The following CARF variants were observed in gnomAD, a reference collection of about 807,000 sequenced individuals.
CARF encodes calcium responsive transcription factor.
CARF carries 57 observed loss-of-function variants against 82.0 expected under a neutral mutation model. The ratio of observed to expected loss-of-function variants is 0.70; its 90% CI spans 0.56 to 0.87. The LOEUF (loss-of-function observed/expected upper bound fraction) is 0.87, where lower values mean the gene tolerates loss of function less well. Among genes scored for constraint, CARF ranks in the 40% least tolerant of loss-of-function variants. The probability of loss-of-function intolerance (pLI) is 0.00; values close to 1 mark genes in which losing one functional copy is unlikely to be tolerated. For missense variants in CARF, 771 were observed against 855.8 expected (o/e 0.90, Z 1.24); for synonymous variants, 268 against 290.1 (o/e 0.92, Z 0.77).
chr2:202,949,512 TTTATTTATTA>T (rs1253328616), intron 5 of CARF, among the ~76,000 whole-genome samples: 2 of 131,492 alleles, frequency 1.5e-5, no homozygotes, highest in Admixed American at 8.2e-5. Context: ...CTTTTTGTTA[TTTATTTATTA>T]TTATTATTAT....
At chr2:202,973,441 C>T (rs1482935322) in intron 12 of CARF, 2 of 433,222 alleles carry the variant, frequency 4.6e-6, no homozygotes, top group Non-Finnish European at 9.1e-6. Context: ...ACAGTGCTGC[C>T]TTCTATTTCT....
chr2:202,960,766 T>TCTCCTTCC lies in CARF; in HGVS notation c.643-458_643-451dup, dbSNP rs547647136. ...CCCGCCTTCCTGCCTTCCCTCCTTC[T>TCTCCTTCC]CTCCTTCCCTCCTTCCCTCCCTCCC... On this transcript the variant is annotated intron_variant, in intron 8 of 16. Transcript: ENST00000438828. Among the ~76,000 whole-genome samples, 651 of 139,476 alleles carry TCTCCTTCC rather than the reference T, an allele frequency of 4.7e-3. 6 individuals carry two copies. The highest frequency in any genetic ancestry group is 8.0e-3 in the Admixed American group (111 of 13,830). 91.5% of individuals were successfully genotyped at this position (139,476 alleles called of 152,430 possible). A position where few individuals can be genotyped will look rare whatever the true frequency, so the allele number is the denominator to read the frequency against.
At chr2:202,915,035 T>A (rs1356963825) in intron 1 of CARF, among the ~76,000 whole-genome samples, 12 of 152,082 alleles carry the variant, frequency 7.9e-5, no homozygotes, top group African/African-American at 2.9e-4. Context: ...TTTTTTGTTT[T>A]TTTTCAGAGT....
At chr2:202,945,086 T>C (rs1448248169) in intron 5 of CARF, among the ~76,000 whole-genome samples, 1 of 152,168 alleles carries the variant, frequency 6.6e-6, no homozygotes, top group Non-Finnish European at 1.5e-5. Flanking sequence ...TTCAAAGAAC[T>C]GAAGATCAGA....
At chr2:202,919,810 T>C (rs192753392) in intron 2 of CARF, among the ~76,000 whole-genome samples, 10 of 152,316 alleles carry the variant, frequency 6.6e-5, no homozygotes, top group Non-Finnish European at 1.3e-4. Flanking sequence ...TAGGTTTGAG[T>C]TCTTGCTCAG....
intron 10 of CARF, among the ~76,000 whole-genome samples, chr2:202,969,000 G>T (rs2105906356): frequency 6.6e-6 from 1 of 152,240 alleles, no homozygotes; most frequent in South Asian, 2.1e-4. Context: ...TATAAATAAA[G>T]CTATAGAGGC....
intron 8 of CARF, among the ~76,000 whole-genome samples, chr2:202,956,068 G>T (rs1207587894): frequency 1.3e-5 from 2 of 149,150 alleles, no homozygotes; most frequent in African/African-American, 5.0e-5. Context: ...TTCTTTCTTT[G>T]CTTGCACTTA....
At position 202,983,649 on chromosome 2, in the gene CARF, C is replaced by T. The variant is rs371286011; in HGVS notation, c.*25C>T. The T allele has an allele frequency of 1.2e-4, 161 of 1,392,388 alleles. No homozygotes were observed. The highest frequency in any genetic ancestry group is 1.5e-4 in the Non-Finnish European group (151 of 983,924). 86.3% of individuals were successfully genotyped at this position (1,392,388 alleles called of 1,614,324 possible). A position where few individuals can be genotyped will look rare whatever the true frequency, so the allele number is the denominator to read the frequency against. ...AATTATTGAAGCTTTTCAGAATTTA[C>T]AACTCTGGTGACTTCTGATGTCTTA... On this transcript the variant is annotated 3_prime_UTR_variant, in exon 17 of 17. Transcript: ENST00000438828.
intron 2 of CARF, among the ~76,000 whole-genome samples, chr2:202,918,559 A>C (rs922317473): frequency 6.6e-6 from 1 of 152,170 alleles, no homozygotes; most frequent in African/African-American, 2.4e-5. Context: ...AAAAACAAAA[A>C]AAAACTTTAC....
rs2060495505 is a variant in CARF, at chr2:202,988,069, T to C, written c.*4445T>C. Among the ~76,000 whole-genome samples the C allele has an allele frequency of 6.6e-6, 1 of 152,224 alleles. No individual in the cohort carries two copies. The highest frequency in any genetic ancestry group is 2.1e-4 in the South Asian group (1 of 4,834). On this transcript the variant is annotated 3_prime_UTR_variant, in exon 17 of 17. Coordinates refer to ENST00000438828, the MANE Select transcript of CARF (RefSeq NM_024744.17). ...AATGAAATCACATAATATGAACCTT[T>C]TTTGGTCTAGCTTTTGTCACTTAGC...
chr2:202,986,868 GTATATATATATATATATATATATA>G lies in CARF; in HGVS notation c.*3261_*3284del, dbSNP rs67693134. ...AAAGAGGTTTAAAAAATGTCTGTGC[GTATATATATATATATATATATATA>G]TATATATATATATATAGCAACTTGA... On this transcript the variant is annotated 3_prime_UTR_variant, in exon 17 of 17. Transcript: ENST00000438828. The G allele has an allele frequency of 2.4e-4, 7 of 29,652 alleles. No individual in the cohort carries two copies. Among genetic ancestry groups the G allele is most frequent in the Admixed American group, 4.0e-4 (1 of 2,472 alleles). 1.8% of individuals were successfully genotyped at this position (29,652 alleles called of 1,614,324 possible). A position where few individuals can be genotyped will look rare whatever the true frequency, so the allele number is the denominator to read the frequency against.
chr2:202,935,235 T>C (rs1693727109), intron 3 of CARF, among the ~76,000 whole-genome samples: 2 of 142,608 alleles, frequency 1.4e-5, no homozygotes, highest in South Asian at 4.2e-4. Context: ...CTAATATATA[T>C]ATTATATATT....
At chr2:202,971,784 G>T in intron 12 of CARF, 46 bp downstream of exon 12, 1 of 1,461,086 alleles carries the variant, frequency 6.8e-7, no homozygotes, top group Non-Finnish European at 9.5e-7. Context: ...AGTTTTGTTT[G>T]TTGCTTTAAA....
At chr2:202,955,023 A>T (rs1408616684) in intron 7 of CARF, among the ~76,000 whole-genome samples, 1 of 152,124 alleles carries the variant, frequency 6.6e-6, no homozygotes, top group Non-Finnish European at 1.5e-5. Context: ...CGAAAAAAAA[A>T]AAAAATTCAT....
intron 8 of CARF, among the ~76,000 whole-genome samples, chr2:202,960,838 C>CA (rs2059288696): frequency 6.6e-6 from 1 of 151,124 alleles, no homozygotes; most frequent in Non-Finnish European, 1.5e-5. Context: ...CTCACTCCAC[C>CA]AAAAAAAATC....
intron 12 of CARF, among the ~76,000 whole-genome samples, chr2:202,973,274 G>A (rs1388303197): frequency 6.6e-6 from 1 of 152,018 alleles, no homozygotes; most frequent in African/African-American, 2.4e-5. Flanking sequence ...TTAGCATAAG[G>A]CAAAAATTTG....
intron 3 of CARF, among the ~76,000 whole-genome samples, chr2:202,936,514 G>A (rs1032598400): frequency 2.0e-5 from 3 of 152,122 alleles, no homozygotes; most frequent in Admixed American, 6.6e-5. Context: ...TATGTAAATA[G>A]AATCATATAA....
intron 14 of CARF, among the ~76,000 whole-genome samples, chr2:202,978,001 A>T (rs2060102468): frequency 6.6e-6 from 1 of 152,124 alleles, no homozygotes; most frequent in East Asian, 1.9e-4. Flanking sequence ...GCACGCCACC[A>T]TACCTGGCTA....
chr2:202,969,575 CA>C (rs1559265004), intron 10 of CARF, among the ~76,000 whole-genome samples: 13 of 106,218 alleles, frequency 1.2e-4, no homozygotes, highest in African/African-American at 4.8e-4. Flanking sequence ...AACTCCATCT[CA>C]AAAAATAAAT....
Sources: allele counts gnomAD v4.1 joint callset (sites outside exome capture counted in the v4.1 genomes callset), GRCh38; gene constraint gnomAD v4.1.1; transcripts MANE v1.5; gene names NCBI Gene and HGNC (gene_info 2026-07-23, HGNC 2026-07-21).